Variants in ADGRL2 observed in about 807,000 individuals in gnomAD.
The protein encoded by ADGRL2 is calcium-independent alpha-latrotoxin receptor 2.
Under a neutral mutation model 157.4 loss-of-function variants are expected in ADGRL2, and 44 were observed. The ratio of observed to expected loss-of-function variants is 0.28; its 90% confidence interval spans 0.22 to 0.36. The LOEUF is 0.36. Ranked by LOEUF, ADGRL2 falls within the 10% of genes least tolerant of loss-of-function variation. The pLI is 1.00. For missense variants in ADGRL2, 1,510 were observed against 1,768.9 expected (o/e 0.85, Z 2.63); for synonymous variants, 585 against 624.7 (o/e 0.94, Z 0.95).
intron 2 of ADGRL2, among the ~76,000 whole-genome samples, chr1:81,484,385 C>G (rs1390934129): frequency 6.6e-6 from 1 of 152,102 alleles, no homozygotes; most frequent in East Asian, 1.9e-4. Flanking sequence ...AACACAGACC[C>G]TTGTAGACAT....
At chr1:81,359,485 A>G (rs2075936832) in intron 1 of ADGRL2, among the ~76,000 whole-genome samples, 1 of 152,026 alleles carries the variant, frequency 6.6e-6, no homozygotes, top group Non-Finnish European at 1.5e-5. Flanking sequence ...TAACAACTAC[A>G]TATAAGTAAT....
chr1:81,981,777 C>A, intron 18 of ADGRL2, 31 bp from the exon 19 acceptor site: 1 of 1,584,278 alleles, frequency 6.3e-7, no homozygotes. Flanking sequence ...GCTCATTGAA[C>A]CTGTTAAAAA....
intron 2 of ADGRL2, among the ~76,000 whole-genome samples, chr1:81,535,936 A>G (rs1289489412): frequency 6.6e-6 from 1 of 152,216 alleles, no homozygotes; most frequent in African/African-American, 2.4e-5. Context: ...ATGTACTTCC[A>G]GACATAATTT....
rs534051127 is a variant in ADGRL2, at chr1:81,817,061, G to C, written c.-101+15993G>C. Reference sequence around the variant, plus strand: ...CCCATCATCCACATAATAAATGAACGTTATACCCTCTAAGTAATTTTCACC... The same window carrying C: ...CCCATCATCCACATAATAAATGAACCTTATACCCTCTAAGTAATTTTCACC... On this transcript the variant is annotated intron_variant, in intron 1 of 23. Transcript: ENST00000686636. Among the ~76,000 whole-genome samples, 76 of 151,032 alleles carry C rather than the reference G, an allele frequency of 5.0e-4. 1 individual carries two copies. The highest frequency in any genetic ancestry group is 3.4e-3 in the Middle Eastern group (1 of 292).
At position 81,651,654 on chromosome 1, in the gene ADGRL2, T is replaced by C. The variant is rs751265679; in HGVS notation, c.-143+70674T>C. Among the ~76,000 whole-genome samples the C allele has an allele frequency of 3.3e-5, 5 of 152,286 alleles. No individual in the cohort carries two copies. In the South Asian group the frequency reaches 8.3e-4, roughly 25 times the overall value. On this transcript the variant is annotated intron_variant, in intron 3 of 24. Coordinates refer to the ADGRL2 transcript ENST00000370721. ...AGACCTAGAGGAGGTTCATTATACT[T>C]TGGCATCAATTCATTATATTTTGGT...
chr1:81,941,893 C>T, intron 4 of ADGRL2, 141 bp from the exon 5 acceptor site: 1 of 448,814 alleles, frequency 2.2e-6, no homozygotes, highest in East Asian at 3.4e-5. Context: ...TCTCTTTATC[C>T]AAAGTAGTAC....
chr1:81,851,817 A>G lies in ADGRL2; in HGVS notation c.73+14760A>G, dbSNP rs79318515. 6.3e-3 allele frequency among the ~76,000 whole-genome samples: 947 copies of G among 151,300 alleles called. 62 individuals carry two copies. In the East Asian group the frequency reaches 0.14, roughly 23 times the overall value. On this transcript the variant is annotated intron_variant, in intron 2 of 23. Transcript: ENST00000686636. Reference sequence around the variant, plus strand: ...TCTTATTTTCCACGTACGTTTGCAAATGAATTTCTGATTTACCATTCTGTC... The same window carrying G: ...TCTTATTTTCCACGTACGTTTGCAAGTGAATTTCTGATTTACCATTCTGTC...
At chr1:81,643,856 AT>A (rs2082266603) in intron 3 of ADGRL2, among the ~76,000 whole-genome samples, 1 of 152,208 alleles carries the variant, frequency 6.6e-6, no homozygotes, top group Non-Finnish European at 1.5e-5. Context: ...AGCAATCTCA[AT>A]TTGTCAAAAT....
chr1:81,313,231 A>G (rs7555976), intron 1 of ADGRL2, among the ~76,000 whole-genome samples: 35,800 of 152,072 alleles, frequency 0.24, 4,602 homozygotes, highest in Middle Eastern at 0.37. Flanking sequence ...TGGGACATCA[A>G]AGCGCTGATC....
At chr1:81,437,036 A>G (rs539640451) in intron 1 of ADGRL2, among the ~76,000 whole-genome samples, 1 of 152,306 alleles carries the variant, frequency 6.6e-6, no homozygotes, top group Non-Finnish European at 1.5e-5. Context: ...TTTTTCTTTC[A>G]TATTTGTAGT....
intron 2 of ADGRL2, among the ~76,000 whole-genome samples, chr1:81,459,835 C>A (rs548382942): frequency 2.1e-4 from 32 of 149,162 alleles, no homozygotes; most frequent in Middle Eastern, 3.5e-3. Context: ...TATATATACA[C>A]ACACACACAT....
At chr1:81,405,536 G>T (rs1027977705) in intron 1 of ADGRL2, among the ~76,000 whole-genome samples, 5 of 151,236 alleles carry the variant, frequency 3.3e-5, no homozygotes, top group African/African-American at 1.2e-4. Flanking sequence ...TGCAGTCTCA[G>T]CTACTATGGA....
intron 2 of ADGRL2, among the ~76,000 whole-genome samples, chr1:81,462,546 AT>A (rs978515047): frequency 1.3e-5 from 2 of 152,118 alleles, no homozygotes; most frequent in Non-Finnish European, 2.9e-5. Flanking sequence ...CTGGTGATTA[AT>A]TTTTTTCCTA....
At chr1:81,328,118 C>A (rs1661021756) in intron 1 of ADGRL2, among the ~76,000 whole-genome samples, 1 of 152,144 alleles carries the variant, frequency 6.6e-6, no homozygotes, top group Non-Finnish European at 1.5e-5. Context: ...CCATAAGGAG[C>A]ATTGACAGGA....
chr1:81,324,107 T>C (rs1660719573), intron 1 of ADGRL2, among the ~76,000 whole-genome samples: 1 of 152,026 alleles, frequency 6.6e-6, no homozygotes. Context: ...CAAGTGGTAG[T>C]GTGAGAGCCC....
At chr1:81,474,565 A>G (rs1431578615) in intron 2 of ADGRL2, among the ~76,000 whole-genome samples, 1 of 152,212 alleles carries the variant, frequency 6.6e-6, no homozygotes. Context: ...AGCATGAAGT[A>G]GCTGGTACAT....
intron 2 of ADGRL2, among the ~76,000 whole-genome samples, chr1:81,569,142 T>G (rs1570529760): frequency 6.6e-6 from 1 of 152,304 alleles, no homozygotes; most frequent in South Asian, 2.1e-4. Flanking sequence ...GTTCTAATAA[T>G]AATTAAAAGT....
intron 1 of ADGRL2, among the ~76,000 whole-genome samples, chr1:81,321,182 A>T (rs1298569691): frequency 2.6e-5 from 4 of 152,184 alleles, no homozygotes; most frequent in African/African-American, 9.6e-5. Context: ...GAAGCTTTAT[A>T]AAATTGAAGA....
chr1:81,857,229 A>G (rs2150669779), intron 2 of ADGRL2, among the ~76,000 whole-genome samples: 2 of 152,308 alleles, frequency 1.3e-5, no homozygotes, highest in Admixed American at 1.3e-4. Context: ...CTGACACAGA[A>G]TTCATGATGC....
Sources: allele counts gnomAD v4.1 joint callset (sites outside exome capture counted in the v4.1 genomes callset), GRCh38; gene constraint gnomAD v4.1.1; transcripts MANE v1.5; gene names NCBI Gene and HGNC (gene_info 2026-07-23, HGNC 2026-07-21).